Variants in NCOA2 observed in about 807,000 individuals in gnomAD.
NCOA2 encodes the protein class E basic helix-loop-helix protein 75.
NCOA2 carries 21 observed loss-of-function variants against 145.1 expected under a neutral mutation model. The observed-to-expected ratio is 0.14, with a 90% CI of 0.10 to 0.21. The LOEUF (loss-of-function observed/expected upper bound fraction) is 0.21, where lower values mean the gene tolerates loss of function less well. Among genes scored for constraint, NCOA2 ranks in the 10% least tolerant of loss-of-function variants. The pLI is 1.00. For synonymous variants in NCOA2, 619 were observed against 637.5 expected, an observed-to-expected ratio of 0.97 and a Z score of 0.44; for missense variants, 1,472 against 1,837.6, an observed-to-expected ratio of 0.80 and a Z score of 3.64.
intron 1 of NCOA2, among the ~76,000 whole-genome samples, chr8:70,325,881 T>C (rs1806511169): frequency 6.6e-6 from 1 of 152,140 alleles, no homozygotes; most frequent in South Asian, 2.1e-4. Flanking sequence ...TCTAACCTCA[T>C]CACCTCACAA....
At chr8:70,210,906 G>A (rs1818951151) in intron 4 of NCOA2, among the ~76,000 whole-genome samples, 3 of 152,130 alleles carry the variant, frequency 2.0e-5, no homozygotes, top group African/African-American at 7.2e-5. Context: ...TTTTATTCAC[G>A]CTGACAACTA....
At chr8:70,212,623 A>C (rs1239094740) in intron 4 of NCOA2, among the ~76,000 whole-genome samples, 1 of 152,222 alleles carries the variant, frequency 6.6e-6, no homozygotes, top group East Asian at 1.9e-4. Context: ...GAAAACGCTA[A>C]GATGATATGC....
chr8:70,117,108 A>G (rs1322485329), intron 22 of NCOA2, among the ~76,000 whole-genome samples: 1 of 152,240 alleles, frequency 6.6e-6, no homozygotes, highest in Non-Finnish European at 1.5e-5. Context: ...TTTTGGGTTT[A>G]AAGGGCCCCC....
At chr8:70,441,560 AAGAGAGAAAG>A in the NCOA2 span, among the ~76,000 whole-genome samples, 3 of 150,562 alleles carry the variant, frequency 2.0e-5, no homozygotes, top group East Asian at 5.9e-4. Flanking sequence ...AGAAAGAGGA[AAGAGAGAAAG>A]AAAGAGAAAG....
At chr8:70,351,696 C>G (rs1809245545) in intron 1 of NCOA2, among the ~76,000 whole-genome samples, 1 of 150,992 alleles carries the variant, frequency 6.6e-6, no homozygotes, top group African/African-American at 2.4e-5. Flanking sequence ...AGCAATCCCC[C>G]TACCTCAGCC....
At chr8:70,177,012 T>A (rs1337370237) in intron 4 of NCOA2, among the ~76,000 whole-genome samples, 1 of 152,226 alleles carries the variant, frequency 6.6e-6, no homozygotes, top group South Asian at 2.1e-4. Context: ...TTCTTTATTG[T>A]CTTCAGTGTT....
chr8:70,197,649 T>G (rs1229739974), intron 4 of NCOA2, among the ~76,000 whole-genome samples: 1 of 152,234 alleles, frequency 6.6e-6, no homozygotes, highest in South Asian at 2.1e-4. Flanking sequence ...TGTTTAAATA[T>G]AATTATGGCA....
At chr8:70,429,799 G>C in the NCOA2 span, among the ~76,000 whole-genome samples, 1 of 152,148 alleles carries the variant, frequency 6.6e-6, no homozygotes, top group African/African-American at 2.4e-5. Flanking sequence ...AGAATGTAGG[G>C]CTTTAATACA....
At chr8:70,361,054 A>T (rs537343709) in intron 1 of NCOA2, among the ~76,000 whole-genome samples, 26 of 152,288 alleles carry the variant, frequency 1.7e-4, no homozygotes, top group East Asian at 5.8e-4. Context: ...AAATTAAATT[A>T]AAAAATTAAG....
intron 16 of NCOA2, among the ~76,000 whole-genome samples, chr8:70,129,405 G>T (rs1168045574): frequency 6.6e-6 from 1 of 152,184 alleles, no homozygotes; most frequent in East Asian, 1.9e-4. Flanking sequence ...ACTGGGATCA[G>T]CAGTGTGGGG....
intron 7 of NCOA2, among the ~76,000 whole-genome samples, chr8:70,163,967 A>G (rs533773242): frequency 1.3e-5 from 2 of 152,368 alleles, no homozygotes; most frequent in East Asian, 3.9e-4. Flanking sequence ...TGAAACTAAA[A>G]TATGATACTC....
chr8:70,394,861 A>C (rs1813514601), intron 1 of NCOA2, among the ~76,000 whole-genome samples: 1 of 152,224 alleles, frequency 6.6e-6, no homozygotes, highest in Non-Finnish European at 1.5e-5. Context: ...TCTGAACCAC[A>C]ATGTTGTCCA....
upstream of NCOA2, among the ~76,000 whole-genome samples, chr8:70,407,717 AAC>A (rs1814804729): frequency 2.0e-5 from 3 of 152,034 alleles, no homozygotes; most frequent in Non-Finnish European, 4.4e-5. Flanking sequence ...GAATTGTTTG[AAC>A]CGGGAGGCGG....
chr8:70,338,150 G>T (rs1040533519), intron 1 of NCOA2, among the ~76,000 whole-genome samples: 1 of 151,996 alleles, frequency 6.6e-6, no homozygotes, highest in Non-Finnish European at 1.5e-5. Context: ...AACCAATCCA[G>T]GAGCTGGTTT....
the NCOA2 span, among the ~76,000 whole-genome samples, chr8:70,433,529 A>G: frequency 1.3e-5 from 2 of 152,334 alleles, no homozygotes; most frequent in South Asian, 4.1e-4. Flanking sequence ...TCAAAAATGT[A>G]GAGTGTGAGT....
At chr8:70,366,162 A>G (rs967781280) in intron 1 of NCOA2, among the ~76,000 whole-genome samples, 1 of 152,224 alleles carries the variant, frequency 6.6e-6, no homozygotes, top group African/African-American at 2.4e-5. Flanking sequence ...GCCTGAATCT[A>G]GGCCAATTCC....
Position 70,344,696 on chromosome 8 carries a change from G to T in NCOA2, c.-76-47896C>A, listed in dbSNP as rs966029563. Among the ~76,000 whole-genome samples, 8 of 152,250 alleles carry T rather than the reference G, an allele frequency of 5.3e-5. No individual in the cohort carries two copies. The East Asian group carries it at 1.2e-3, about 22-fold the overall frequency. Reference sequence around the variant, plus strand: ...GCAGGGATAAAAGCAGGACTGGGGGGAGTAAAGTTCCATGAGCAGGAGAGA... The same window carrying T: ...GCAGGGATAAAAGCAGGACTGGGGGTAGTAAAGTTCCATGAGCAGGAGAGA... On this transcript the variant is annotated intron_variant, in intron 1 of 22. Coordinates refer to ENST00000452400, the MANE Select transcript of NCOA2 (RefSeq NM_006540.4).
intron 2 of NCOA2, among the ~76,000 whole-genome samples, chr8:70,287,678 AT>A (rs1239879232): frequency 6.6e-6 from 1 of 152,222 alleles, no homozygotes; most frequent in Admixed American, 6.5e-5. Context: ...GCATAATATC[AT>A]TTCTGTAACC....
chr8:70,238,158 G>A (rs543579754), intron 2 of NCOA2, among the ~76,000 whole-genome samples: 128 of 152,096 alleles, frequency 8.4e-4, no homozygotes, highest in African/African-American at 2.7e-3. Flanking sequence ...ACACGCGCGC[G>A]CGCGCGTGTG....
Sources: allele counts gnomAD v4.1 joint callset (sites outside exome capture counted in the v4.1 genomes callset), GRCh38; gene constraint gnomAD v4.1.1; transcripts MANE v1.5; gene names NCBI Gene and HGNC (gene_info 2026-07-23, HGNC 2026-07-21).